The following TRIM2 variants were observed in gnomAD, a reference collection of about 807,000 sequenced individuals.
TRIM2 encodes tripartite motif-containing protein 2.
A neutral mutation model predicts 75.2 loss-of-function variants in TRIM2; 20 were observed. The ratio of observed to expected loss-of-function variants is 0.27; its 90% CI spans 0.19 to 0.39. The LOEUF is 0.39. TRIM2 is among the 10% of genes least tolerant of loss of function. The probability of loss-of-function intolerance (pLI) is 1.00; values close to 1 mark genes in which losing one functional copy is unlikely to be tolerated. For synonymous variants in TRIM2, 373 were observed against 388.3 expected (o/e 0.96, Z 0.46); for missense variants, 660 against 990.8 (o/e 0.67, Z 4.48).
chr4:153,217,597 T>C (rs947353427), intron 1 of TRIM2, among the ~76,000 whole-genome samples: 3 of 152,190 alleles, frequency 2.0e-5, no homozygotes, highest in Admixed American at 6.5e-5. Context: ...AATCTGAACA[T>C]ACTGCCTCTC....
intron 6 of TRIM2, among the ~76,000 whole-genome samples, chr4:153,296,662 C>G (rs1411171034): frequency 6.6e-6 from 1 of 152,190 alleles, no homozygotes; most frequent in African/African-American, 2.4e-5. Context: ...AAGAAGGTAC[C>G]CGATGAGCCA....
At chr4:153,224,270 C>T (rs1030514229) in intron 1 of TRIM2, among the ~76,000 whole-genome samples, 4 of 152,192 alleles carry the variant, frequency 2.6e-5, no homozygotes, top group Admixed American at 6.5e-5. Context: ...CCCTTTCCAA[C>T]TTAGGTTCAT....
In TRIM2 at chr4:153,244,374, TC is replaced by T. The variant is rs1560874596; in HGVS notation, c.31-25960del. 3.4e-5 allele frequency among the ~76,000 whole-genome samples: 2 copies of T among 58,612 alleles called. 1 individual carries two copies. The highest frequency in any genetic ancestry group is 2.8e-4 in the African/African-American group (2 of 7,028). The allele number at this position is 58,612 out of a possible 152,430, so 38.5% of individuals were successfully genotyped here. A position where few individuals can be genotyped will look rare whatever the true frequency, so the allele number is the denominator to read the frequency against. On this transcript the variant is annotated intron_variant, in intron 1 of 11. Transcript: ENST00000338700. ...TTCTTCCTCTTCTTCTTCTTCTTCT[TC>T]TTCTTCTTCTTCTTCTTCTTCTTCT...
chr4:153,259,088 A>G (rs1752770670), intron 1 of TRIM2, among the ~76,000 whole-genome samples: 1 of 152,250 alleles, frequency 6.6e-6, no homozygotes, highest in South Asian at 2.1e-4. Flanking sequence ...TGGAAAGGTT[A>G]AAACACAGCT....
At chr4:153,330,804 G>T (rs1339675757) in intron 11 of TRIM2, among the ~76,000 whole-genome samples, 1 of 152,150 alleles carries the variant, frequency 6.6e-6, no homozygotes, top group Admixed American at 6.5e-5. Flanking sequence ...AAGGATGTCT[G>T]CAAGGATGTC....
At chr4:153,183,529 T>C (rs979283188) in intron 1 of TRIM2, among the ~76,000 whole-genome samples, 8 of 152,006 alleles carry the variant, frequency 5.3e-5, no homozygotes, top group African/African-American at 9.7e-5. Context: ...CAGAGGGCCA[T>C]AGACAAAGGA....
chr4:153,164,204 C>A (rs1212374146), intron 1 of TRIM2, among the ~76,000 whole-genome samples: 1 of 152,072 alleles, frequency 6.6e-6, no homozygotes, highest in Non-Finnish European at 1.5e-5. Context: ...AGTTGTGCAG[C>A]CATAGCTCAC....
intron 1 of TRIM2, among the ~76,000 whole-genome samples, chr4:153,240,465 AAAATC>A (rs985213869): frequency 6.6e-6 from 1 of 152,216 alleles, no homozygotes; most frequent in African/African-American, 2.4e-5. Flanking sequence ...ACTTAAAACA[AAAATC>A]AAATAATGTT....
chr4:153,234,441 G>T (rs1291131584), intron 1 of TRIM2, among the ~76,000 whole-genome samples: 1 of 152,144 alleles, frequency 6.6e-6, no homozygotes, highest in Non-Finnish European at 1.5e-5. Context: ...GAGGGCATCG[G>T]GCTAAATGTG....
At chr4:153,239,277 G>A (rs866459279) in intron 1 of TRIM2, among the ~76,000 whole-genome samples, 2 of 151,846 alleles carry the variant, frequency 1.3e-5, no homozygotes, top group South Asian at 2.1e-4. Flanking sequence ...GCGTGAACGC[G>A]GGAGGCAGAG....
intron 1 of TRIM2, among the ~76,000 whole-genome samples, chr4:153,208,851 A>G (rs927821268): frequency 4.6e-5 from 7 of 152,184 alleles, no homozygotes; most frequent in Admixed American, 1.3e-4. Flanking sequence ...GAACATTTAC[A>G]ATTTCCATAC....
chr4:153,161,678 T>C (rs571330856), intron 1 of TRIM2, among the ~76,000 whole-genome samples: 4 of 152,212 alleles, frequency 2.6e-5, no homozygotes, highest in Non-Finnish European at 5.9e-5. Flanking sequence ...TAGTTTTCTT[T>C]GTATCCTTTG....
At chr4:153,316,144 A>C in intron 8 of TRIM2, 145 bp downstream of exon 8, 1 of 787,286 alleles carries the variant, frequency 1.3e-6, no homozygotes, top group Non-Finnish European at 1.9e-6. Flanking sequence ...AAGTTTGTGA[A>C]GTGAGAGTAA....
chr4:153,274,088 A>G (rs2150054121), intron 2 of TRIM2, among the ~76,000 whole-genome samples: 1 of 152,352 alleles, frequency 6.6e-6, no homozygotes, highest in South Asian at 2.1e-4. Flanking sequence ...CCATGTTGCC[A>G]TATATGGATT....
intron 1 of TRIM2, among the ~76,000 whole-genome samples, chr4:153,161,495 A>C (rs1182071952): frequency 6.6e-6 from 1 of 152,224 alleles, no homozygotes; most frequent in Non-Finnish European, 1.5e-5. Flanking sequence ...AAGCAGGTGC[A>C]GGAGTTGGAG....
chr4:153,204,600 G>A, intron 1 of TRIM2, 40 bp downstream of exon 1: 2 of 1,551,564 alleles, frequency 1.3e-6, no homozygotes, highest in Non-Finnish European at 1.7e-6. Context: ...CTTTTTCTGG[G>A]CCAGCTGGTT....
chr4:153,311,919 T>TTTATTTATTTATTTA (rs1356905934), intron 6 of TRIM2, among the ~76,000 whole-genome samples: 2 of 145,548 alleles, frequency 1.4e-5, no homozygotes, highest in Non-Finnish European at 3.0e-5. Flanking sequence ...TATTTATTTA[T>TTTATTTATTTATTTA]TTATTATTAT....
chr4:153,240,915 A>G (rs1319926178), intron 1 of TRIM2, among the ~76,000 whole-genome samples: 9 of 152,152 alleles, frequency 5.9e-5, no homozygotes, highest in Non-Finnish European at 1.0e-4. Flanking sequence ...TGTCTCTACT[A>G]AAAATACAAA....
chr4:153,185,169 G>GTGAA (rs879422871), intron 1 of TRIM2, among the ~76,000 whole-genome samples: 3 of 152,178 alleles, frequency 2.0e-5, no homozygotes, highest in Non-Finnish European at 4.4e-5. Context: ...AAATGAGTGA[G>GTGAA]TGAATGAATG....
Sources: gnomAD v4.1 joint callset for allele counts (sites outside exome capture counted in the v4.1 genomes callset) on GRCh38, gnomAD v4.1.1 for gene constraint, MANE v1.5 for transcripts, NCBI Gene and HGNC (gene_info 2026-07-23, HGNC 2026-07-21) for gene names.